Variants in DMD observed in about 807,000 individuals in gnomAD.
The protein encoded by DMD is mutant dystrophin.
A neutral mutation model predicts 330.1 loss-of-function variants in DMD; 63 were observed. That is an observed-to-expected ratio of 0.19 (90% CI 0.16 to 0.24). DMD has a LOEUF of 0.24. DMD is among the 10% of genes least tolerant of loss of function. The pLI, the probability that DMD is intolerant of heterozygous loss-of-function variation, is 1.00. For missense variants in DMD, 3,344 were observed against 2,684.1 expected (o/e 1.25, Z -5.43); for synonymous variants, 1,223 against 959.8 (o/e 1.27, Z -5.07).
At chrX:31,310,191 CT>C (rs1569523656) in intron 62 of DMD, among the ~76,000 whole-genome samples, 2,303 of 75,914 alleles carry the variant, frequency 0.03, 70 homozygotes, top group African/African-American at 0.14. Context: ...CTCTCTCTCT[CT>C]CTCTCTCTCT....
intron 1 of DMD, among the ~76,000 whole-genome samples, chrX:33,270,623 G>A (rs2053137831): frequency 9.0e-6 from 1 of 111,677 alleles, no homozygotes; most frequent in Non-Finnish European, 1.9e-5. Flanking sequence ...GAAACTAGAC[G>A]GCAGCAAAAT....
At chrX:31,820,788 T>A (rs916706055) in intron 49 of DMD, among the ~76,000 whole-genome samples, 3 of 111,922 alleles carry the variant, frequency 2.7e-5, no homozygotes, top group African/African-American at 9.8e-5. Context: ...GGCAAGCCTG[T>A]ATATGGCCAG....
intron 1 of DMD, among the ~76,000 whole-genome samples, chrX:33,321,857 T>C (rs2054020198): frequency 8.9e-6 from 1 of 112,132 alleles, no homozygotes; most frequent in Non-Finnish European, 1.9e-5. Flanking sequence ...ACTTGCTGCC[T>C]CACCTTGCAC....
chrX:32,468,624 A>G lies in DMD; in HGVS notation c.3036T>C (p.Ser1012=), dbSNP rs951466601. The change falls in exon 23 of 79, where the codon TCT becomes TCC. Residue 1012 remains serine (S), a synonymous_variant. Transcript: ENST00000357033. The stretch of plus-strand genomic sequence containing the variant: ...CTGATTGATATTTCCGGCTAATTTC[A>G]GAGGGCGCTTTCTTCGACATCTCTT... ...TVKEMSKKAP[S]EISRKYQSEF... 1 of 1,211,306 alleles carries G rather than the reference A, an allele frequency of 8.3e-7. No homozygotes were observed. Among genetic ancestry groups the G allele is most frequent in the East Asian group, 3.0e-5 (1 of 33,815 alleles).
chrX:32,942,663 G>T (rs770338292), intron 2 of DMD, among the ~76,000 whole-genome samples: 1 of 112,406 alleles, frequency 8.9e-6, no homozygotes, highest in African/African-American at 3.2e-5. Flanking sequence ...GCCCAACACG[G>T]TAATAGACTC....
chrX:32,726,323 A>C (rs181276053), intron 7 of DMD, among the ~76,000 whole-genome samples: 1 of 111,473 alleles, frequency 9.0e-6, no homozygotes, highest in East Asian at 2.8e-4. Flanking sequence ...CTGTACTAAA[A>C]TATAGTATTT....
intron 1 of DMD, among the ~76,000 whole-genome samples, chrX:33,048,901 A>G (rs1486211951): frequency 9.1e-6 from 1 of 110,477 alleles, no homozygotes; most frequent in African/African-American, 3.3e-5. Flanking sequence ...GGTGATTCCA[A>G]TCATTGGGGA....
chrX:31,874,712 C>A (rs2093942681), intron 48 of DMD, among the ~76,000 whole-genome samples: 1 of 110,821 alleles, frequency 9.0e-6, no homozygotes, highest in African/African-American at 3.3e-5. Context: ...CTTTGCACTC[C>A]CCTGTAAAAT....
intron 39 of DMD, among the ~76,000 whole-genome samples, chrX:32,343,756 T>C (rs1320876515): frequency 2.7e-5 from 3 of 112,050 alleles, no homozygotes; most frequent in Non-Finnish European, 5.6e-5. Flanking sequence ...CATTCATGTT[T>C]TTAGAAATGC....
chrX:32,670,435 A>AGGT (rs768482897), intron 9 of DMD, among the ~76,000 whole-genome samples: 1 of 112,108 alleles, frequency 8.9e-6, no homozygotes, highest in Admixed American at 9.5e-5. Context: ...CAAGATGCCT[A>AGGT]GGTCTATTTT....
intron 18 of DMD, among the ~76,000 whole-genome samples, chrX:32,503,796 C>T (rs1391412248): frequency 1.8e-5 from 2 of 111,409 alleles, no homozygotes; most frequent in East Asian, 2.8e-4. Flanking sequence ...CCTCATCATC[C>T]GCCCAGCTCA....
intron 1 of DMD, among the ~76,000 whole-genome samples, chrX:33,167,284 G>A (rs190658360): frequency 4.0e-3 from 441 of 111,126 alleles, no homozygotes; most frequent in African/African-American, 0.014. Context: ...AACTAACTTC[G>A]ATTTAGGTCT....
chrX:32,764,582 A>G (rs1205815362), intron 7 of DMD, among the ~76,000 whole-genome samples: 1 of 111,430 alleles, frequency 9.0e-6, no homozygotes, highest in African/African-American at 3.3e-5. Flanking sequence ...CCCTTAGCAT[A>G]TCATCATCAA....
At chrX:31,169,002 A>G (rs1334542112) in intron 74 of DMD, among the ~76,000 whole-genome samples, 2 of 112,160 alleles carry the variant, frequency 1.8e-5, no homozygotes, top group Non-Finnish European at 3.8e-5. Context: ...TGATGATGAA[A>G]AATAAGATGA....
chrX:31,815,048 C>T (rs1416397420), intron 50 of DMD, among the ~76,000 whole-genome samples: 1 of 112,418 alleles, frequency 8.9e-6, no homozygotes, highest in Non-Finnish European at 1.9e-5. Flanking sequence ...CCACTCCTTG[C>T]TGCACACAGC....
At chrX:32,033,763 T>A (rs1182717815) in intron 44 of DMD, among the ~76,000 whole-genome samples, 6 of 111,664 alleles carry the variant, frequency 5.4e-5, no homozygotes, top group Non-Finnish European at 9.4e-5. Flanking sequence ...CATATCATTA[T>A]GATTGTATAA....
At chrX:32,630,743 T>C (rs1029782792) in intron 11 of DMD, among the ~76,000 whole-genome samples, 2 of 111,892 alleles carry the variant, frequency 1.8e-5, no homozygotes, top group South Asian at 7.5e-4. Flanking sequence ...CTATCTTGGA[T>C]TTTATTGAGC....
At chrX:31,748,344 C>T (rs1297761512) in intron 51 of DMD, among the ~76,000 whole-genome samples, 3 of 111,776 alleles carry the variant, frequency 2.7e-5, no homozygotes, top group Non-Finnish European at 5.6e-5. Flanking sequence ...ATTAAATATT[C>T]GTACAAAGGG....
Position 32,433,443 on chromosome X carries a change from C to T in DMD, c.4071+4798G>A, listed in dbSNP as rs377076407. The stretch of plus-strand genomic sequence containing the variant: ...CTGTAATTCAAGCACTTTGGGAGGC[C>T]GAGGCGGGCGGATAACCTGAGGTCA... On this transcript the variant is annotated intron_variant, in intron 29 of 78. Coordinates refer to ENST00000357033, the MANE Select transcript of DMD (RefSeq NM_004006.3). 4.5e-5 allele frequency among the ~76,000 whole-genome samples: 5 copies of T among 111,774 alleles called. No homozygotes were observed. In the East Asian group the frequency reaches 1.4e-3, roughly 32 times the overall value.
Sources: allele counts gnomAD v4.1 joint callset (sites outside exome capture counted in the v4.1 genomes callset), GRCh38; gene constraint gnomAD v4.1.1; transcripts MANE v1.5; gene names NCBI Gene and HGNC (gene_info 2026-07-23, HGNC 2026-07-21).